The following PCDHGB5 variants were observed in gnomAD, a reference collection of about 807,000 sequenced individuals.
The protein encoded by PCDHGB5 is protocadherin gamma subfamily B, 5.
Under a neutral mutation model 62.9 loss-of-function variants are expected in PCDHGB5, and 48 were observed. That is an observed-to-expected ratio of 0.76 (90% CI 0.61 to 0.97). The LOEUF is 0.97. Ranked by LOEUF, PCDHGB5 falls within the 50% of genes least tolerant of loss-of-function variation. The pLI, the probability that PCDHGB5 is intolerant of heterozygous loss-of-function variation, is 0.00. For synonymous variants in PCDHGB5, 474 were observed against 511.2 expected, an observed-to-expected ratio of 0.93 and a Z score of 0.98; for missense variants, 1,118 against 1,198.6, an observed-to-expected ratio of 0.93 and a Z score of 0.99.
At chr5:141,483,790 AGTT>A (rs963139644) in intron 1 of PCDHGB5, among the ~76,000 whole-genome samples, 14 of 152,290 alleles carry the variant, frequency 9.2e-5, no homozygotes, top group African/African-American at 3.4e-4. Flanking sequence ...TAAGAACTCC[AGTT>A]GTTGCTGCTT....
chr5:141,477,013 T>C lies in PCDHGB5; in HGVS notation c.2398-17794T>C. ...TGCGGCAACTATTCGCCTTAGACCT[T>C]GTAACCGGGATGCTGACAATCAAGG... On this transcript the variant is annotated intron_variant, in intron 1 of 3. Coordinates refer to ENST00000617380, the MANE Select transcript of PCDHGB5 (RefSeq NM_018925.3). The surrounding 1 kb of genome is among the most constrained non-coding windows in gnomAD (Gnocchi z 4.9). 6.2e-7 allele frequency: 1 copy of C among 1,614,204 alleles called. No homozygotes were observed. The highest frequency in any genetic ancestry group is 8.5e-7 in the Non-Finnish European group (1 of 1,180,028).
intron 1 of PCDHGB5, chr5:141,403,578 A>G: frequency 6.2e-7 from 1 of 1,613,850 alleles, no homozygotes. Context: ...ACTGCCCACC[A>G]CCTGGTCCTC....
chr5:141,505,679 G>A (rs1350871637), intron 3 of PCDHGB5, among the ~76,000 whole-genome samples, 198 bp downstream of exon 3: 24 of 152,172 alleles, frequency 1.6e-4, no homozygotes, highest in Non-Finnish European at 3.5e-4. Flanking sequence ...TGGGGGTCCT[G>A]GGATGCCTGG....
intron 1 of PCDHGB5, among the ~76,000 whole-genome samples, chr5:141,456,882 G>A (rs1039329600): frequency 6.6e-6 from 1 of 152,156 alleles, no homozygotes; most frequent in Non-Finnish European, 1.5e-5. Context: ...AGAATCGCTT[G>A]AACCCGGGAG....
intron 1 of PCDHGB5, chr5:141,424,561 T>C (rs972361161): frequency 7.9e-5 from 12 of 152,236 alleles, no homozygotes; most frequent in African/African-American, 2.9e-4. Flanking sequence ...TCAGTGCTTC[T>C]CAAAAACCTA....
intron 2 of PCDHGB5, among the ~76,000 whole-genome samples, chr5:141,497,859 G>A (rs188372194): frequency 2.0e-4 from 31 of 152,134 alleles, no homozygotes; most frequent in Middle Eastern, 6.8e-3. Context: ...TTGATTCAGC[G>A]GCTCCAAAGT....
intron 1 of PCDHGB5, chr5:141,420,437 T>G (rs2096496377): frequency 4.5e-6 from 5 of 1,109,618 alleles, no homozygotes; most frequent in Admixed American, 3.7e-5. Context: ...TTAAATTAAA[T>G]GCCTCAGTCT....
chr5:141,421,970 A>C, intron 1 of PCDHGB5: 1 of 1,610,928 alleles, frequency 6.2e-7, no homozygotes, highest in Middle Eastern at 1.7e-4. Flanking sequence ...CAGTCCGTAT[A>C]TCGCGTGAGT....
intron 1 of PCDHGB5, chr5:141,433,358 CCTATCTATCTAT>C (rs3074541): frequency 0.01 from 5,256 of 504,010 alleles, 38 homozygotes; most frequent in Non-Finnish European, 0.014. Flanking sequence ...CTACTGTCTG[CCTATCTATCTAT>C]CTATCTATCT....
rs2099641960 is a variant in PCDHGB5 at position 141,487,259 on chromosome 5, T to C, written c.2398-7548T>C. On this transcript the variant is annotated intron_variant, in intron 1 of 3. Coordinates refer to ENST00000617380, the MANE Select transcript of PCDHGB5 (RefSeq NM_018925.3). This position sits in a 1 kb window ranked among gnomAD's most constrained non-coding sequence, Gnocchi z 5.0. ...TCGTCTAACCCTCTACTTGGCTGTG[T>C]CCCTAGTGGCAATTTGCTTTGTCTC... 6.2e-7 allele frequency: 1 copy of C among 1,614,132 alleles called. No homozygotes were observed. Among genetic ancestry groups the C allele is most frequent in the Non-Finnish European group, 8.5e-7 (1 of 1,180,012 alleles).
rs182297545 is a variant in PCDHGB5 at position 141,400,627 on chromosome 5, G to A, written c.2397+103G>A. ...AAGTCCAATGAGTTGTCTTAGGGAA[G>A]TCAGAGCTGCTCAGAAAGCTGTCCT... On this transcript the variant is annotated intron_variant, in intron 1 of 3. Transcript: ENST00000617380. 46 of 1,441,658 alleles carry A rather than the reference G, an allele frequency of 3.2e-5. 1 individual carries two copies. In the East Asian group the frequency reaches 8.4e-4, roughly 26 times the overall value. 89.3% of individuals were successfully genotyped at this position (1,441,658 alleles called of 1,614,324 possible). A position where few individuals can be genotyped will look rare whatever the true frequency, so the allele number is the denominator to read the frequency against.
At chr5:141,409,069 A>G (rs886525915) in intron 1 of PCDHGB5, 5 of 1,614,008 alleles carry the variant, frequency 3.1e-6, no homozygotes, top group Non-Finnish European at 4.2e-6. Context: ...AGAGCACAAA[A>G]CATATGTTCT....
chr5:141,408,871 T>C, intron 1 of PCDHGB5: 2 of 1,612,784 alleles, frequency 1.2e-6, no homozygotes, highest in Non-Finnish European at 1.7e-6. Flanking sequence ...CACCAAGAAG[T>C]GCCACCGCTC....
rs537755017 is a variant in PCDHGB5 at position 141,491,797 on chromosome 5, G to A, written c.2398-3010G>A. 16 of 1,506,818 alleles carry A rather than the reference G, an allele frequency of 1.1e-5. No individual in the cohort carries two copies. In the Admixed American group the frequency reaches 2.2e-4, roughly 20 times the overall value. The allele number at this position is 1,506,818 out of a possible 1,614,324, so 93.3% of individuals were successfully genotyped here. A position where few individuals can be genotyped will look rare whatever the true frequency, so the allele number is the denominator to read the frequency against. ...ATTGAACTTGCATCCACTCCTCTCC[G>A]GCCGGCTTGGTCGCTGGCTGCGCTC... On this transcript the variant is annotated intron_variant, in intron 1 of 3. Transcript: ENST00000617380. The surrounding 1 kb of genome is among the most constrained non-coding windows in gnomAD (Gnocchi z 6.9).
chr5:141,418,085 A>C lies in PCDHGB5; in HGVS notation c.2397+17561A>C, dbSNP rs1235378254. On this transcript the variant is annotated intron_variant, in intron 1 of 3. Transcript: ENST00000617380. The stretch of plus-strand genomic sequence containing the variant: ...AGTGAGCGCGGAGAAGCTGCACTTC[A>C]GCGTAGACGCGCAGAGCGGGGACTT... The C allele has an allele frequency of 2.5e-6, 4 of 1,613,936 alleles. No homozygotes were observed. The highest frequency in any genetic ancestry group is 3.4e-6 in the Non-Finnish European group (4 of 1,179,908).
intron 1 of PCDHGB5, among the ~76,000 whole-genome samples, chr5:141,483,466 A>C (rs1212605130): frequency 6.6e-6 from 1 of 152,188 alleles, no homozygotes. Context: ...GTTGATTGAC[A>C]TGATATAGGA....
At chr5:141,480,298 C>T (rs1238380283) in intron 1 of PCDHGB5, among the ~76,000 whole-genome samples, 1 of 132,676 alleles carries the variant, frequency 7.5e-6, no homozygotes, top group Non-Finnish European at 1.6e-5. Flanking sequence ...ACCTGTGGTA[C>T]CAGCTACTTG....
intron 1 of PCDHGB5, chr5:141,427,958 G>T: frequency 6.3e-7 from 1 of 1,588,408 alleles, no homozygotes; most frequent in Non-Finnish European, 8.6e-7. Flanking sequence ...ACAATGTGCC[G>T]CGGGTGCTGT....
chr5:141,445,137 T>C (rs933188032), intron 1 of PCDHGB5, among the ~76,000 whole-genome samples: 9 of 152,248 alleles, frequency 5.9e-5, no homozygotes, highest in Admixed American at 3.3e-4. Context: ...AAATTGTATC[T>C]TCTAATTGTT....
Sources: gnomAD v4.1 joint callset for allele counts (sites outside exome capture counted in the v4.1 genomes callset) on GRCh38, gnomAD v4.1.1 for gene constraint, Gnocchi (gnomAD v3.1) non-coding constraint, MANE v1.5 for transcripts, NCBI Gene and HGNC (gene_info 2026-07-23, HGNC 2026-07-21) for gene names.